GLIS1: variants seen among roughly 807,000 people sequenced by gnomAD.
GLIS1 encodes zinc finger protein GLIS1.
Under a neutral mutation model 63.8 loss-of-function variants are expected in GLIS1, and 24 were observed. That is an observed-to-expected ratio of 0.38 (90% CI 0.27 to 0.53). The LOEUF (loss-of-function observed/expected upper bound fraction) is 0.53, where lower values mean the gene tolerates loss of function less well. Ranked by LOEUF, GLIS1 falls within the 20% of genes least tolerant of loss-of-function variation. GLIS1 has a pLI of 0.85. For synonymous variants in GLIS1, 450 were observed against 482.5 expected, an observed-to-expected ratio of 0.93 and a Z score of 0.88; for missense variants, 1,036 against 1,074.1, an observed-to-expected ratio of 0.96 and a Z score of 0.50.
At chr1:53,604,468 C>A (rs1462410380) in intron 2 of GLIS1, among the ~76,000 whole-genome samples, 1 of 152,246 alleles carries the variant, frequency 6.6e-6, no homozygotes, top group Non-Finnish European at 1.5e-5. Flanking sequence ...CCTGCCAAGT[C>A]TGCGTGAGAG....
chr1:53,616,344 A>G (rs922842266), intron 2 of GLIS1, among the ~76,000 whole-genome samples: 1 of 152,210 alleles, frequency 6.6e-6, no homozygotes, highest in Non-Finnish European at 1.5e-5. Context: ...TCAGAGATAA[A>G]CATATTCCAT....
intron 2 of GLIS1, chr1:53,734,250 C>G: frequency 1.0e-6 from 1 of 965,692 alleles, no homozygotes; most frequent in South Asian, 4.8e-5. Context: ...ACCTCATTAT[C>G]TGGTTTGGTG....
chr1:53,678,328 A>AGGGGGG (rs56148850), intron 2 of GLIS1, among the ~76,000 whole-genome samples: 1 of 70,436 alleles, frequency 1.4e-5, no homozygotes, highest in African/African-American at 5.9e-5. Flanking sequence ...CAGGAGGGTG[A>AGGGGGG]GGGGGGGGGG....
At chr1:53,619,212 C>T (rs558218861) in intron 2 of GLIS1, among the ~76,000 whole-genome samples, 124 of 152,234 alleles carry the variant, frequency 8.1e-4, no homozygotes, top group Non-Finnish European at 1.4e-3. Context: ...AAGAGAACAC[C>T]CATCCACCCA....
At chr1:53,654,843 CA>C (rs1645947570) in intron 2 of GLIS1, among the ~76,000 whole-genome samples, 1 of 152,046 alleles carries the variant, frequency 6.6e-6, no homozygotes, top group Non-Finnish European at 1.5e-5. Context: ...GAAATGGGAC[CA>C]AAAGTACAGC....
Position 53,678,704 on chromosome 1 carries a change from G to A in GLIS1, c.259+59102C>T, listed in dbSNP as rs531611378. ...AGTTAAATGAATGCATCACTGGGGC[G>A]TTGCCAACTGGTACTATCAGCCAGA... On this transcript the variant is annotated intron_variant, in intron 2 of 10. Coordinates refer to ENST00000628545, the MANE Select transcript of GLIS1 (RefSeq NM_001367484.1). Among the ~76,000 whole-genome samples, 6 of 152,314 alleles carry A rather than the reference G, an allele frequency of 3.9e-5. No individual in the cohort carries two copies. In the South Asian group the frequency reaches 6.2e-4, roughly 16 times the overall value.
chr1:53,657,605 C>T (rs1645981154), intron 2 of GLIS1, among the ~76,000 whole-genome samples: 1 of 152,104 alleles, frequency 6.6e-6, no homozygotes, highest in African/African-American at 2.4e-5. Context: ...GACGCATCCA[C>T]AAGGCTATGT....
At chr1:53,652,671 A>G (rs1431144967) in intron 2 of GLIS1, among the ~76,000 whole-genome samples, 1 of 152,144 alleles carries the variant, frequency 6.6e-6, no homozygotes, top group Non-Finnish European at 1.5e-5. Context: ...TGAGTCCTCA[A>G]TGATCTCTTC....
chr1:53,697,937 G>T (rs186665418), intron 2 of GLIS1, among the ~76,000 whole-genome samples: 18 of 152,148 alleles, frequency 1.2e-4, no homozygotes, highest in Admixed American at 1.1e-3. Flanking sequence ...ATACAAGGAC[G>T]TGTATTGGGA....
chr1:53,664,289 C>G (rs1459012898), intron 2 of GLIS1, among the ~76,000 whole-genome samples: 1 of 152,158 alleles, frequency 6.6e-6, no homozygotes, highest in Admixed American at 6.5e-5. Flanking sequence ...CCCACACACC[C>G]CCTCCAGGAA....
chr1:53,696,042 A>G (rs910073770), intron 2 of GLIS1, among the ~76,000 whole-genome samples: 1 of 152,204 alleles, frequency 6.6e-6, no homozygotes, highest in Non-Finnish European at 1.5e-5. Context: ...TCTCCAATGC[A>G]TGAAATCCCC....
At chr1:53,623,569 T>C (rs1645567027) in intron 2 of GLIS1, among the ~76,000 whole-genome samples, 1 of 152,074 alleles carries the variant, frequency 6.6e-6, no homozygotes, top group African/African-American at 2.4e-5. Flanking sequence ...GAAAAAAGCA[T>C]GAAGATGGAA....
chr1:53,717,041 T>C (rs900185350), intron 2 of GLIS1, among the ~76,000 whole-genome samples: 4 of 152,194 alleles, frequency 2.6e-5, no homozygotes, highest in Non-Finnish European at 5.9e-5. Flanking sequence ...GAAATCATCA[T>C]GGCATTGGAC....
intron 2 of GLIS1, among the ~76,000 whole-genome samples, chr1:53,686,087 A>G (rs1203880932): frequency 6.6e-6 from 1 of 152,024 alleles, no homozygotes; most frequent in Non-Finnish European, 1.5e-5. Flanking sequence ...CCAGCTGCCC[A>G]CCTATGGCCA....
chr1:53,723,243 T>TA (rs1041000416), intron 2 of GLIS1, among the ~76,000 whole-genome samples: 1 of 151,132 alleles, frequency 6.6e-6, no homozygotes, highest in Non-Finnish European at 1.5e-5. Flanking sequence ...TATTTACTTT[T>TA]TTTTTTTTTT....
chr1:53,715,990 G>A (rs1646694612), intron 2 of GLIS1, among the ~76,000 whole-genome samples: 1 of 152,180 alleles, frequency 6.6e-6, no homozygotes, highest in Non-Finnish European at 1.5e-5. Flanking sequence ...AGTGACCCCT[G>A]GAGAGGGCGA....
intron 2 of GLIS1, among the ~76,000 whole-genome samples, chr1:53,604,231 G>A (rs748404032): frequency 5.9e-5 from 9 of 152,184 alleles, no homozygotes; most frequent in Non-Finnish European, 1.2e-4. Flanking sequence ...CCCCAGAAAG[G>A]GCAGGTCTGG....
intron 9 of GLIS1, 22 bp downstream of exon 9, chr1:53,509,827 C>T (rs763699740): frequency 7.8e-6 from 10 of 1,284,138 alleles, no homozygotes; most frequent in South Asian, 7.1e-5. Context: ...TTATACGGAG[C>T]GGGCCCCTGG....
intron 2 of GLIS1, among the ~76,000 whole-genome samples, chr1:53,616,100 T>G (rs1037436871): frequency 6.6e-5 from 10 of 152,176 alleles, no homozygotes; most frequent in African/African-American, 2.2e-4. Flanking sequence ...GCTTCTAAGA[T>G]TCCATGATCC....
Sources: gnomAD v4.1 joint callset for allele counts (sites outside exome capture counted in the v4.1 genomes callset) on GRCh38, gnomAD v4.1.1 for gene constraint, MANE v1.5 for transcripts, NCBI Gene and HGNC (gene_info 2026-07-23, HGNC 2026-07-21) for gene names.